Variants in DGKQ observed in about 807,000 individuals in gnomAD.
The protein encoded by DGKQ is diacylglycerol kinase theta, also known as DAG kinase theta.
DGKQ carries 97 observed loss-of-function variants against 104.2 expected under a neutral mutation model. The observed-to-expected ratio is 0.93, with a 90% CI of 0.79 to 1.10. DGKQ has a LOEUF of 1.10. DGKQ is among the 50% of genes least tolerant of loss of function. The pLI is 0.00. For synonymous variants in DGKQ, 736 were observed against 595.2 expected, an observed-to-expected ratio of 1.24 and a Z score of -3.44; for missense variants, 1,465 against 1,352.1, an observed-to-expected ratio of 1.08 and a Z score of -1.31.
At chr4:966,932 G>T in intron 10 of DGKQ, 32 bp downstream of exon 10, 1 of 1,550,612 alleles carries the variant, frequency 6.4e-7, no homozygotes, top group Non-Finnish European at 8.7e-7. Flanking sequence ...ACCGAGTCTG[G>T]CCGGCATGGG....
At chr4:965,809 G>A (rs1204950588) in intron 13 of DGKQ, 119 bp downstream of exon 13, 47 of 1,199,672 alleles carry the variant, frequency 3.9e-5, no homozygotes, top group South Asian at 1.1e-4. Flanking sequence ...GGCTGGACCC[G>A]GAGCTCAGGC....
In DGKQ at chr4:966,016, CG is replaced by C. The variant is rs984660541; in HGVS notation, c.1490del (p.Pro497ArgfsTer36). 1 of 1,604,884 alleles carries C rather than the reference CG, an allele frequency of 6.2e-7. No homozygotes were observed. ...GGCCGCCAACAAACAGGGAGACGTG[CG>C]GGGCTACATCCCTGCTCTCTGCCAC... ...FYVAESRDVA[P>X]HVSLFVGGLP... On this transcript the variant is annotated frameshift_variant, in exon 13 of 23. Transcript: ENST00000273814. LOFTEE classifies it high-confidence loss of function.
rs1012921300 is a variant in DGKQ at position 960,600 on chromosome 4, T to C, written c.*20A>G. The C allele has an allele frequency of 6.2e-7, 1 of 1,604,350 alleles. No individual in the cohort carries two copies. Among genetic ancestry groups the C allele is most frequent in the Non-Finnish European group, 8.5e-7 (1 of 1,174,612 alleles). On this transcript the variant is annotated 3_prime_UTR_variant, in exon 23 of 23. Transcript: ENST00000273814. ...GCGGGAGCAGAGATGGCTCGAGCCC[T>C]TGGGCTGCCCCAGCCACCCCTACCT... is the stretch of plus-strand genomic sequence containing the variant.
chr4:960,785 AG>A, intron 22 of DGKQ, 64 bp from the exon 23 acceptor site: 17 of 1,580,416 alleles, frequency 1.1e-5, no homozygotes, highest in Non-Finnish European at 1.5e-5. Context: ...GTACACGGGC[AG>A]CCCCCGGTCC....
At chr4:960,756 C>T in intron 22 of DGKQ, 35 bp from the exon 23 acceptor site, 2 of 1,605,372 alleles carry the variant, frequency 1.2e-6, no homozygotes, top group East Asian at 2.2e-5. Flanking sequence ...ACCAGGGTGA[C>T]ATGGCCGATG....
chr4:968,119 G>T, intron 5 of DGKQ, 92 bp from the exon 6 acceptor site: 1 of 873,746 alleles, frequency 1.1e-6, no homozygotes, highest in Non-Finnish European at 1.5e-6. Context: ...ACACGACGCA[G>T]ACCCACCTGG....
At chr4:962,968 TC>T in intron 16 of DGKQ, 48 bp from the exon 17 acceptor site, 1 of 1,567,508 alleles carries the variant, frequency 6.4e-7, no homozygotes, top group Non-Finnish European at 8.6e-7. Flanking sequence ...GCGCAGCCCA[TC>T]CCCCACCCAG....
chr4:971,241 CAGCCCAGG>C lies in DGKQ; in HGVS notation c.272-177_272-170del, dbSNP rs1016606696. 1.3e-5 allele frequency among the ~76,000 whole-genome samples: 2 copies of C among 152,180 alleles called. No individual in the cohort carries two copies. Among genetic ancestry groups the C allele is most frequent in the Non-Finnish European group, 1.5e-5 (1 of 68,016 alleles). ...CTGCCCACTCATTGGAGAGAGCCTG[CAGCCCAGG>C]AGCCCAGGAGCAAGAACCTGGGTGG... is the stretch of plus-strand genomic sequence containing the variant. On this transcript the variant is annotated intron_variant, in intron 1 of 22. Coordinates refer to ENST00000273814, the MANE Select transcript of DGKQ (RefSeq NM_001347.4). This position sits in a 1 kb window ranked among gnomAD's most constrained non-coding sequence, Gnocchi z 4.0.
chr4:966,179 A>C, intron 12 of DGKQ, 101 bp from the exon 13 acceptor site: 1 of 1,247,770 alleles, frequency 8.0e-7, no homozygotes, highest in Non-Finnish European at 1.1e-6. Context: ...GGGCATCAGG[A>C]ACACTCCCAG....
In DGKQ at chr4:963,601, G is replaced by A. The variant is rs573805526; in HGVS notation, c.1735-311C>T. ...AGACCACACCCGCCTGGGCCATGCA[G>A]CGCGAGTCCAGGCTGGAAATCCACG... On this transcript the variant is annotated intron_variant, in intron 15 of 22. Coordinates refer to ENST00000273814, the MANE Select transcript of DGKQ (RefSeq NM_001347.4). Among the ~76,000 whole-genome samples, 4 of 152,354 alleles carry A rather than the reference G, an allele frequency of 2.6e-5. No individual in the cohort carries two copies. In the East Asian group the frequency reaches 7.7e-4, roughly 29 times the overall value.
rs1198079285 is a variant in DGKQ at position 958,961 on chromosome 4, G to A, written c.*1659C>T. 5.9e-6 allele frequency: 1 copy of A among 168,330 alleles called. No homozygotes were observed. The highest frequency in any genetic ancestry group is 1.3e-5 in the Non-Finnish European group (1 of 79,080). 10.4% of individuals were successfully genotyped at this position (168,330 alleles called of 1,614,324 possible). On this transcript the variant is annotated 3_prime_UTR_variant, in exon 23 of 23. Transcript: ENST00000273814. ...GCATTCAGGCAGCGATAAATACAGA[G>A]GGGCCCGGTGTGCAGGGCACAGACC... is the stretch of plus-strand genomic sequence containing the variant.
chr4:965,488 CA>C lies in DGKQ; in HGVS notation c.1618+2del. On this transcript the variant is annotated splice_donor_variant, in intron 14 of 22. Transcript: ENST00000273814. LOFTEE classifies it high-confidence loss of function. ...TGTGACCACGTCCCTCAGGGCAGCT[CA>C]CCTTGGGAGGAGTAGATGTGACTCA... is the stretch of plus-strand genomic sequence containing the variant. 2 of 1,611,094 alleles carry C rather than the reference CA, an allele frequency of 1.2e-6. No individual in the cohort carries two copies. Among genetic ancestry groups the C allele is most frequent in the Non-Finnish European group, 1.7e-6 (2 of 1,179,224 alleles).
chr4:972,544 C>T (rs923757640), intron 1 of DGKQ, among the ~76,000 whole-genome samples: 4 of 148,230 alleles, frequency 2.7e-5, no homozygotes, highest in African/African-American at 7.8e-5. Flanking sequence ...TCCTGTCCCT[C>T]GCTCCCTCCA....
At chr4:972,005 A>G (rs1712968373) in intron 1 of DGKQ, among the ~76,000 whole-genome samples, 1 of 151,966 alleles carries the variant, frequency 6.6e-6, no homozygotes, top group African/African-American at 2.4e-5. Flanking sequence ...GCCAGGGTCC[A>G]CCGAGAGAAG....
At position 973,547 on chromosome 4, in the gene DGKQ, G is replaced by T. The variant is rs111344337; in HGVS notation, c.-65C>A. 546,298 of 973,902 alleles carry T rather than the reference G, an allele frequency of 0.56. 154,886 individuals carry two copies. The highest frequency in any genetic ancestry group is 0.68 in the South Asian group (14,406 of 21,104). 60.3% of individuals were successfully genotyped at this position (973,902 alleles called of 1,614,324 possible). ...GGGGGTACAGGAGCCGCCGCTCCAC[G>T]GCCCGGTACACTGCTTCCGACTGCG... On this transcript the variant is annotated 5_prime_UTR_variant, in exon 1 of 23. Transcript: ENST00000273814.
At chr4:966,134 G>A (rs1452371600) in intron 12 of DGKQ, 56 bp from the exon 13 acceptor site, 2 of 1,518,254 alleles carry the variant, frequency 1.3e-6, no homozygotes, top group African/African-American at 1.4e-5. Flanking sequence ...ACCGCACCAG[G>A]CCCTCTGTCT....
chr4:967,563 C>T lies in DGKQ; in HGVS notation c.973G>A (p.Ala325Thr). Residue 325 changes from alanine to threonine, a missense_variant, in exon 8 of 23, where the codon GCC (alanine) becomes ACC (threonine). Ala to Thr is a moderately conservative substitution (Grantham distance 58). Coordinates refer to ENST00000273814, the MANE Select transcript of DGKQ (RefSeq NM_001347.4). Reference sequence around the variant, plus strand: ...CTCCCCCTTACCAGCACCTCCTCGGCACCGGCCAGGCGGGACACCGTGACG... The same window carrying T: ...CTCCCCCTTACCAGCACCTCCTCGGTACCGGCCAGGCGGGACACCGTGACG... ...RLVTVSRLAGAEEVLEAALRA... is the reference protein window; with the variant it reads ...RLVTVSRLAGTEEVLEAALRA... 6.2e-7 allele frequency: 1 copy of T among 1,612,522 alleles called. No individual in the cohort carries two copies. The highest frequency in any genetic ancestry group is 1.7e-5 in the Admixed American group (1 of 60,008).
Position 961,108 on chromosome 4 carries a change from C to T in DGKQ, c.2668G>A (p.Asp890Asn). Residue 890 changes from aspartate (D) to asparagine (N), a missense_variant, in exon 22 of 23, where the codon GAC becomes AAC. Asp to Asn is a conservative substitution (Grantham distance 23, BLOSUM62 1). Transcript: ENST00000273814. ...GGGGCCTGGACCCAGGGCTCCCCGT[C>T]CACCTGCACCGGGGTGGCCTTGAGG... Reference protein sequence around the residue: ...TLLKATPVQVDGEPWVQAPGH... With the variant: ...TLLKATPVQVNGEPWVQAPGH... 1 of 1,611,894 alleles carries T rather than the reference C, an allele frequency of 6.2e-7. No individual in the cohort carries two copies. Among genetic ancestry groups the T allele is most frequent in the Non-Finnish European group, 8.5e-7 (1 of 1,179,496 alleles).
At chr4:964,317 T>A (rs1018135024) in intron 15 of DGKQ, among the ~76,000 whole-genome samples, 2 of 152,210 alleles carry the variant, frequency 1.3e-5, no homozygotes, top group African/African-American at 2.4e-5. Context: ...CTGCTTCGCC[T>A]GGACTGGGGT....
Sources: allele counts gnomAD v4.1 joint callset (sites outside exome capture counted in the v4.1 genomes callset), GRCh38; gene constraint gnomAD v4.1.1; non-coding constraint Gnocchi (gnomAD v3.1); transcripts MANE v1.5; gene names NCBI Gene and HGNC (gene_info 2026-07-23, HGNC 2026-07-21).